UGT2B10: variants seen among roughly 807,000 people sequenced by gnomAD.
The protein encoded by UGT2B10 is UDP glucuronosyltransferase family 2 member B10, also known as UDP-glucuronosyltransferase 2B10.
UGT2B10 carries 51 observed loss-of-function variants against 43.7 expected under a neutral mutation model. That is an observed-to-expected ratio of 1.17 (90% CI 0.93 to 1.47). UGT2B10 has a LOEUF of 1.47. Ranked by LOEUF, UGT2B10 falls within the 40% of genes most tolerant of loss-of-function variation. UGT2B10 has a pLI of 0.00. For missense variants in UGT2B10, 696 were observed against 617.7 expected (o/e 1.13, Z -1.34); for synonymous variants, 225 against 209.0 (o/e 1.08, Z -0.66).
intron 1 of UGT2B10, 36 bp downstream of exon 1, chr4:68,816,773 A>G: frequency 6.7e-7 from 1 of 1,502,860 alleles, no homozygotes; most frequent in Admixed American, 2.1e-5. Context: ...TGAAGCTCTA[A>G]CTTATTTGTG....
At chr4:68,821,879 G>T (rs1205558856) in intron 2 of UGT2B10, among the ~76,000 whole-genome samples, 1 of 60,286 alleles carries the variant, frequency 1.7e-5, no homozygotes, top group Non-Finnish European at 4.9e-5. Flanking sequence ...TGATTTAGTA[G>T]AACAAAAATA....
intron 5 of UGT2B10, among the ~76,000 whole-genome samples, chr4:68,827,936 T>A (rs1460821201): frequency 6.6e-6 from 1 of 151,922 alleles, no homozygotes; most frequent in East Asian, 1.9e-4. Context: ...TGCAGAAAAA[T>A]TAATTTTTAT....
intron 3 of UGT2B10, among the ~76,000 whole-genome samples, chr4:68,822,933 T>A (rs924900050): frequency 6.4e-4 from 98 of 152,286 alleles, no homozygotes; most frequent in African/African-American, 2.2e-3. Context: ...CTTGACTAAC[T>A]CTTGGGCCAC....
intron 1 of UGT2B10, 66 bp downstream of exon 1, chr4:68,816,803 A>G (rs1181150513): frequency 2.3e-6 from 3 of 1,300,288 alleles, no homozygotes; most frequent in Non-Finnish European, 3.2e-6. Flanking sequence ...CACAACTTGC[A>G]TAAAGCCATA....
At chr4:68,825,685 CT>C (rs1473693644) in intron 3 of UGT2B10, among the ~76,000 whole-genome samples, 2 of 152,014 alleles carry the variant, frequency 1.3e-5, no homozygotes, top group East Asian at 3.9e-4. Context: ...CTTTTTATGG[CT>C]GCATAATATT....
chr4:68,829,982 C>A (rs1251154683), intron 5 of UGT2B10, among the ~76,000 whole-genome samples: 7 of 151,930 alleles, frequency 4.6e-5, no homozygotes, highest in Non-Finnish European at 1.0e-4. Flanking sequence ...CAGTAGGAGA[C>A]AAAAGAGTAA....
At chr4:68,827,806 A>G (rs1737876526) in intron 5 of UGT2B10, among the ~76,000 whole-genome samples, 1 of 150,082 alleles carries the variant, frequency 6.7e-6, no homozygotes, top group Non-Finnish European at 1.5e-5. Context: ...ATATAAAAAA[A>G]TACATTTCTT....
At chr4:68,816,815 A>C in intron 1 of UGT2B10, 78 bp downstream of exon 1, 1 of 1,210,590 alleles carries the variant, frequency 8.3e-7, no homozygotes, top group East Asian at 2.4e-5. Context: ...AAAGCCATAA[A>C]GTCAGGGAAG....
rs558064589 is a variant in UGT2B10, at chr4:68,817,709, T to C, written c.719-320T>C. ...TTGTTTAAATATCTAGAGGCTACTA[T>C]TGAAGCTTTAAAGAGAAAATAAATT... is the stretch of plus-strand genomic sequence containing the variant. On this transcript the variant is annotated intron_variant, in intron 1 of 5. Transcript: ENST00000265403. Among the ~76,000 whole-genome samples, 6 of 151,910 alleles carry C rather than the reference T, an allele frequency of 3.9e-5. No individual in the cohort carries two copies. The East Asian group carries it at 9.7e-4, about 25-fold the overall frequency.
At chr4:68,830,239 T>G (rs1427066672) in intron 5 of UGT2B10, among the ~76,000 whole-genome samples, 1 of 152,100 alleles carries the variant, frequency 6.6e-6, no homozygotes, top group East Asian at 1.9e-4. Context: ...GATGTGATTA[T>G]TTCACTTTGT....
At position 68,816,035 on chromosome 4, in the gene UGT2B10, A is replaced by T. The variant is rs1188812192; in HGVS notation, c.16A>T (p.Thr6Ser). MALKW[T>S]TVLLIQLSFY... ...TTGCACAAGGATGGCTCTGAAATGGACTACAGTTCTGCTGATACAACTCAG... is the reference window on the plus strand; with the variant it reads ...TTGCACAAGGATGGCTCTGAAATGGTCTACAGTTCTGCTGATACAACTCAG... Residue 6 changes from threonine to serine, a missense_variant, in exon 1 of 6, where the codon ACT becomes TCT. Thr to Ser is a moderately conservative substitution (Grantham distance 58, BLOSUM62 1). Transcript: ENST00000265403. The T allele has an allele frequency of 6.2e-7, 1 of 1,612,704 alleles. No individual in the cohort carries two copies. Among genetic ancestry groups the T allele is most frequent in the Admixed American group, 1.7e-5 (1 of 59,864 alleles).
chr4:68,822,381 C>G lies in UGT2B10; in HGVS notation c.978C>G (p.Ala326=), dbSNP rs1451190993. 8.7e-6 allele frequency: 14 copies of G among 1,613,572 alleles called. No individual in the cohort carries two copies. Among genetic ancestry groups the G allele is most frequent in the African/African-American group, 6.7e-5 (5 of 74,944 alleles). The part of the protein sequence containing the change: ...TEERANVIAT[A]LAKIPQKVLW... ...AAAGGGCCAACGTAATTGCAACAGC[C>G]CTTGCCAAGATCCCACAAAAGGTAA... is the stretch of plus-strand genomic sequence containing the variant. Residue 326 remains alanine (A), a synonymous_variant, in exon 3 of 6, where the codon GCC becomes GCG. Coordinates refer to ENST00000265403, the MANE Select transcript of UGT2B10 (RefSeq NM_001075.6).
chr4:68,824,207 A>G (rs1463017445), intron 3 of UGT2B10, among the ~76,000 whole-genome samples: 1 of 152,216 alleles, frequency 6.6e-6, no homozygotes, highest in Non-Finnish European at 1.5e-5. Context: ...AGGCCAACAG[A>G]CAACTAGTCC....
chr4:68,823,737 A>C (rs552287632), intron 3 of UGT2B10, among the ~76,000 whole-genome samples: 138 of 152,282 alleles, frequency 9.1e-4, no homozygotes, highest in African/African-American at 3.2e-3. Context: ...GGGCCTAAAA[A>C]TTAGAGCTTT....
At chr4:68,830,242 C>T (rs944469649) in intron 5 of UGT2B10, among the ~76,000 whole-genome samples, 1 of 151,736 alleles carries the variant, frequency 6.6e-6, no homozygotes, top group African/African-American at 2.4e-5. Flanking sequence ...GTGATTATTT[C>T]ACTTTGTATC....
At chr4:68,822,548 A>G (rs1027096596) in intron 3 of UGT2B10, 146 bp downstream of exon 3, 1 of 1,524,654 alleles carries the variant, frequency 6.6e-7, no homozygotes, top group African/African-American at 1.4e-5. Flanking sequence ...ATCCACTGAC[A>G]GAAGTAATAG....
chr4:68,822,230 G>T (rs912673995), intron 2 of UGT2B10, 41 bp from the exon 3 acceptor site: 2 of 1,604,882 alleles, frequency 1.2e-6, no homozygotes, highest in South Asian at 1.1e-5. Flanking sequence ...CTGCTGTGGT[G>T]ATACTCTTTT....
Position 68,831,451 on chromosome 4 carries a change from A to G in UGT2B10, c.*572A>G, listed in dbSNP as rs1738097629. ...GTTCAGGGATGAAAGAGTCACTAAC[A>G]TAAAAGAAGAATGGGATGAGGTGAG... On this transcript the variant is annotated 3_prime_UTR_variant, in exon 6 of 6. Coordinates refer to ENST00000265403, the MANE Select transcript of UGT2B10 (RefSeq NM_001075.6). Among the ~76,000 whole-genome samples the G allele has an allele frequency of 6.6e-6, 1 of 152,142 alleles. No homozygotes were observed. Among genetic ancestry groups the G allele is most frequent in the African/African-American group, 2.4e-5 (1 of 41,448 alleles).
At chr4:68,830,166 A>G (rs1265573425) in intron 5 of UGT2B10, among the ~76,000 whole-genome samples, 1 of 152,108 alleles carries the variant, frequency 6.6e-6, no homozygotes. Flanking sequence ...CTAATAGTGT[A>G]ATGTGGAATG....
Sources: allele counts gnomAD v4.1 joint callset (sites outside exome capture counted in the v4.1 genomes callset), GRCh38; gene constraint gnomAD v4.1.1; transcripts MANE v1.5; gene names NCBI Gene and HGNC (gene_info 2026-07-23, HGNC 2026-07-21).